ATXN7L1: variants seen among roughly 807,000 people sequenced by gnomAD.
ATXN7L1 encodes the protein ataxin-7-like protein 1.
ATXN7L1 carries 15 observed loss-of-function variants against 70.8 expected under a neutral mutation model. That is an observed-to-expected ratio of 0.21 (90% CI 0.14 to 0.33). The LOEUF (loss-of-function observed/expected upper bound fraction) is 0.33, where lower values mean the gene tolerates loss of function less well. Among genes scored for constraint, ATXN7L1 ranks in the 10% least tolerant of loss-of-function variants. The pLI is 1.00. For missense variants in ATXN7L1, 975 were observed against 1,097.1 expected (o/e 0.89, Z 1.57); for synonymous variants, 440 against 445.1 (o/e 0.99, Z 0.14).
chr7:105,695,675 G>T (rs1033016228), intron 3 of ATXN7L1, among the ~76,000 whole-genome samples: 1 of 152,168 alleles, frequency 6.6e-6, no homozygotes, highest in East Asian at 1.9e-4. Flanking sequence ...ATGGTTTGGG[G>T]GATCGCTTCT....
chr7:105,794,782 G>C (rs896800296), intron 2 of ATXN7L1, among the ~76,000 whole-genome samples: 4 of 152,174 alleles, frequency 2.6e-5, no homozygotes, highest in African/African-American at 9.7e-5. Context: ...TGGGGAATTA[G>C]GTTACTGGAG....
At chr7:105,869,231 G>A (rs779431215) in intron 2 of ATXN7L1, among the ~76,000 whole-genome samples, 10 of 152,136 alleles carry the variant, frequency 6.6e-5, no homozygotes, top group South Asian at 4.1e-4. Flanking sequence ...ATAATGTAAC[G>A]CCAAAGTGAA....
intron 2 of ATXN7L1, among the ~76,000 whole-genome samples, chr7:105,812,100 C>G (rs1354595922): frequency 6.6e-6 from 1 of 152,166 alleles, no homozygotes; most frequent in South Asian, 2.1e-4. Flanking sequence ...TTCTCAAGCC[C>G]CCCTGGATGC....
chr7:105,726,648 G>A (rs992855211), intron 3 of ATXN7L1, among the ~76,000 whole-genome samples: 2 of 152,092 alleles, frequency 1.3e-5, no homozygotes, highest in Non-Finnish European at 2.9e-5. Context: ...TATGGCAAAG[G>A]GCATCCTAGT....
chr7:105,857,548 T>C (rs376121498), intron 2 of ATXN7L1, among the ~76,000 whole-genome samples: 1 of 152,166 alleles, frequency 6.6e-6, no homozygotes, highest in African/African-American at 2.4e-5. Context: ...TTGCAGAGCA[T>C]CACTCATCAT....
At chr7:105,688,631 A>G (rs561560526) in intron 3 of ATXN7L1, among the ~76,000 whole-genome samples, 1 of 152,104 alleles carries the variant, frequency 6.6e-6, no homozygotes, top group Non-Finnish European at 1.5e-5. Flanking sequence ...GCCCTGGCGT[A>G]AGCGCCAATG....
At chr7:105,855,469 A>G (rs534969499) in intron 2 of ATXN7L1, among the ~76,000 whole-genome samples, 10 of 152,362 alleles carry the variant, frequency 6.6e-5, no homozygotes, top group African/African-American at 2.4e-4. Flanking sequence ...GTGCTGATGC[A>G]TATCTCTTCC....
chr7:105,727,808 A>C (rs1796088834), intron 3 of ATXN7L1, among the ~76,000 whole-genome samples: 1 of 137,380 alleles, frequency 7.3e-6, no homozygotes, highest in South Asian at 2.4e-4. Context: ...ATATATGTAT[A>C]TATGAATATA....
intron 3 of ATXN7L1, among the ~76,000 whole-genome samples, chr7:105,699,003 AG>A (rs1792102093): frequency 6.6e-6 from 1 of 152,172 alleles, no homozygotes; most frequent in African/African-American, 2.4e-5. Context: ...GTTTCTAAAA[AG>A]TTGTTTGTGG....
intron 2 of ATXN7L1, among the ~76,000 whole-genome samples, chr7:105,790,763 G>A (rs895850055): frequency 6.6e-6 from 1 of 151,084 alleles, no homozygotes; most frequent in African/African-American, 2.4e-5. Context: ...GTCACATCTT[G>A]TGCACCATCG....
chr7:105,608,149 G>A (rs944909078), intron 11 of ATXN7L1, among the ~76,000 whole-genome samples: 1 of 152,152 alleles, frequency 6.6e-6, no homozygotes, highest in African/African-American at 2.4e-5. Context: ...CGAATGCCGC[G>A]GACATTCCTG....
At chr7:105,686,229 T>C (rs1056925900) in intron 3 of ATXN7L1, among the ~76,000 whole-genome samples, 1 of 152,174 alleles carries the variant, frequency 6.6e-6, no homozygotes, top group Non-Finnish European at 1.5e-5. Context: ...AAAAATGCAT[T>C]TAAGGGCCAG....
intron 2 of ATXN7L1, among the ~76,000 whole-genome samples, chr7:105,834,400 T>C (rs768935991): frequency 2.2e-4 from 34 of 152,210 alleles, no homozygotes; most frequent in Non-Finnish European, 4.6e-4. Flanking sequence ...ACTGAATGGA[T>C]ATATCACAAA....
chr7:105,798,059 T>C (rs1806257100), intron 2 of ATXN7L1, among the ~76,000 whole-genome samples: 1 of 152,244 alleles, frequency 6.6e-6, no homozygotes, highest in Admixed American at 6.5e-5. Context: ...CTAATATCCA[T>C]GCTGCTATCT....
intron 5 of ATXN7L1, among the ~76,000 whole-genome samples, chr7:105,640,035 T>G (rs1797945401): frequency 6.6e-6 from 1 of 152,212 alleles, no homozygotes; most frequent in Non-Finnish European, 1.5e-5. Context: ...TGACTCCAGC[T>G]CCTGCCTTCC....
chr7:105,611,817 G>A (rs1264289237), intron 10 of ATXN7L1, among the ~76,000 whole-genome samples: 3 of 152,110 alleles, frequency 2.0e-5, no homozygotes, highest in Admixed American at 1.3e-4. Flanking sequence ...GCGTTGCCCC[G>A]ACCCCGATCT....
chr7:105,679,147 G>A (rs1304400625), intron 3 of ATXN7L1: 3 of 986,024 alleles, frequency 3.0e-6, no homozygotes, highest in Non-Finnish European at 3.6e-6. Context: ...GCTCCTGGAT[G>A]AGGGCCCTGG....
Position 105,606,886 on chromosome 7 carries a change from C to A in ATXN7L1, c.*966G>T. ...CTAGCCCAGGAAGGCAGCCTAAGAA[C>A]CTTTAGCAGCTGTGGTCACCGTGCC... On this transcript the variant is annotated 3_prime_UTR_variant, in exon 12 of 12. Coordinates refer to ENST00000419735, the MANE Select transcript of ATXN7L1 (RefSeq NM_020725.2). 1 of 152,326 alleles carries A rather than the reference C, an allele frequency of 6.6e-6. No homozygotes were observed. Among genetic ancestry groups the A allele is most frequent in the Non-Finnish European group, 1.5e-5 (1 of 68,056 alleles). The allele number at this position is 152,326 out of a possible 1,614,324, so 9.4% of individuals were successfully genotyped here.
chr7:105,829,138 T>C (rs1276313802), intron 2 of ATXN7L1, among the ~76,000 whole-genome samples: 1 of 152,184 alleles, frequency 6.6e-6, no homozygotes, highest in African/African-American at 2.4e-5. Flanking sequence ...CAGCCATTTC[T>C]GGGCCAGGCG....
Sources: allele counts gnomAD v4.1 joint callset (sites outside exome capture counted in the v4.1 genomes callset), GRCh38; gene constraint gnomAD v4.1.1; transcripts MANE v1.5; gene names NCBI Gene and HGNC (gene_info 2026-07-23, HGNC 2026-07-21).